WWOX: variants seen among roughly 807,000 people sequenced by gnomAD.
The protein encoded by WWOX is WW domain containing oxidoreductase.
Under a neutral mutation model 46.2 loss-of-function variants are expected in WWOX, and 69 were observed. The observed-to-expected ratio is 1.49, with a 90% confidence interval of 1.23 to 1.82. The LOEUF is 1.82. Among genes scored for constraint, WWOX ranks in the 40% most tolerant of loss-of-function variants. The probability of loss-of-function intolerance (pLI) is 0.00; values close to 1 mark genes in which losing one functional copy is unlikely to be tolerated. For synonymous variants in WWOX, 359 were observed against 202.6 expected, an observed-to-expected ratio of 1.77 and a Z score of -6.56; for missense variants, 919 against 542.6, an observed-to-expected ratio of 1.69 and a Z score of -6.89.
At chr16:78,106,777 G>A (rs1390774557) in intron 1 of WWOX, among the ~76,000 whole-genome samples, 1 of 152,104 alleles carries the variant, frequency 6.6e-6, no homozygotes, top group Non-Finnish European at 1.5e-5. Flanking sequence ...GTAGGAGTTT[G>A]TCCTTGCTAC....
chr16:78,143,455 C>G (rs541397698), intron 4 of WWOX, among the ~76,000 whole-genome samples: 1 of 152,114 alleles, frequency 6.6e-6, no homozygotes, highest in East Asian at 1.9e-4. Flanking sequence ...CCCCCCGAGG[C>G]CCACTTTTGT....
chr16:78,671,497 G>C (rs2047462485), intron 8 of WWOX, among the ~76,000 whole-genome samples: 1 of 152,128 alleles, frequency 6.6e-6, no homozygotes, highest in South Asian at 2.1e-4. Context: ...TAGGAAACCA[G>C]TATAGATAAC....
chr16:78,716,713 T>C (rs1177134398), intron 8 of WWOX, among the ~76,000 whole-genome samples: 1 of 152,006 alleles, frequency 6.6e-6, no homozygotes, highest in Non-Finnish European at 1.5e-5. Context: ...CAGAGAGATT[T>C]TCTTAGAGGT....
intron 8 of WWOX, among the ~76,000 whole-genome samples, chr16:78,528,724 GC>G (rs2041470457): frequency 6.6e-6 from 1 of 151,792 alleles, no homozygotes; most frequent in African/African-American, 2.4e-5. Flanking sequence ...TTTAAATTTG[GC>G]CGGTGAAAAT....
At chr16:78,272,413 A>G (rs985382121) in intron 5 of WWOX, among the ~76,000 whole-genome samples, 2 of 152,204 alleles carry the variant, frequency 1.3e-5, no homozygotes, top group African/African-American at 4.8e-5. Context: ...GAGGATTCCA[A>G]AAGAAAGTAA....
Position 78,248,878 on chromosome 16 carries a change from T to C in WWOX, c.516+84589T>C, listed in dbSNP as rs185028974. ...TGCCCCCCGGCCTTTTTTTTTTTTT[T>C]TTTTTTTGAGGCAGAGTCTTGCTCC... On this transcript the variant is annotated intron_variant, in intron 5 of 8. Transcript: ENST00000566780. Among the ~76,000 whole-genome samples, 1,132 of 149,340 alleles carry C rather than the reference T, an allele frequency of 7.6e-3. 19 individuals are homozygous for C. The highest frequency in any genetic ancestry group is 0.027 in the African/African-American group (1,081 of 40,524).
chr16:78,715,973 G>A (rs2048551674), intron 8 of WWOX, among the ~76,000 whole-genome samples: 1 of 151,980 alleles, frequency 6.6e-6, no homozygotes, highest in Non-Finnish European at 1.5e-5. Context: ...CACCACCAGA[G>A]GTATTACAGA....
At chr16:78,106,898 G>A (rs1442820230) in intron 1 of WWOX, among the ~76,000 whole-genome samples, 1 of 152,178 alleles carries the variant, frequency 6.6e-6, no homozygotes, top group African/African-American at 2.4e-5. Flanking sequence ...TGAGGAGACT[G>A]GCTGGACTCA....
rs551330246 is a variant in WWOX at position 78,902,124 on chromosome 16, C to G, written c.1057-309484C>G. Among the ~76,000 whole-genome samples the G allele has an allele frequency of 3.3e-5, 5 of 152,294 alleles. No individual in the cohort carries two copies. In the East Asian group the frequency reaches 9.7e-4, roughly 29 times the overall value. ...AGAGCTGGCAGACAGCATCTACATC[C>G]ACCTCTGCAGGAAGCAAGGGAAACA... On this transcript the variant is annotated intron_variant, in intron 8 of 8. Transcript: ENST00000566780.
rs2084999969 is a variant in WWOX, at chr16:78,499,390, A to T, written c.1056+66638A>T. Among the ~76,000 whole-genome samples the T allele has an allele frequency of 2.0e-5, 3 of 152,120 alleles. No individual in the cohort carries two copies. In the South Asian group the frequency reaches 6.2e-4, roughly 31 times the overall value. On this transcript the variant is annotated intron_variant, in intron 8 of 8. Coordinates refer to ENST00000566780, the MANE Select transcript of WWOX (RefSeq NM_016373.4). ...GGCTGTCCACCAGCCCCTTTGTGAT[A>T]GTCTCATAGTCTTATTTGTCTTTTG...
chr16:78,970,274 G>A (rs116550438), intron 8 of WWOX, among the ~76,000 whole-genome samples: 1 of 152,152 alleles, frequency 6.6e-6, no homozygotes, highest in African/African-American at 2.4e-5. Flanking sequence ...ATCCCTGCCC[G>A]AATCATTTTC....
chr16:78,442,244 A>T (rs1429952715), intron 8 of WWOX, among the ~76,000 whole-genome samples: 1 of 152,178 alleles, frequency 6.6e-6, no homozygotes, highest in East Asian at 1.9e-4. Context: ...CACATCGGTC[A>T]ACTTACATAG....
At chr16:78,640,226 GTTTTTTTTTTTTT>G (rs34129775) in intron 8 of WWOX, among the ~76,000 whole-genome samples, 23 of 65,374 alleles carry the variant, frequency 3.5e-4, no homozygotes, top group African/African-American at 1.2e-3. Context: ...TTGTTGTTGG[GTTTTTTTTTTTTT>G]TTTTTTTTTT....
At chr16:78,458,161 G>A (rs1189051236) in intron 8 of WWOX, among the ~76,000 whole-genome samples, 1 of 151,328 alleles carries the variant, frequency 6.6e-6, no homozygotes, top group Non-Finnish European at 1.5e-5. Context: ...GTGAAGGTGT[G>A]TTCCATGATT....
intron 8 of WWOX, among the ~76,000 whole-genome samples, chr16:79,089,834 G>T (rs191074930): frequency 1.3e-5 from 2 of 151,968 alleles, no homozygotes; most frequent in Admixed American, 1.3e-4. Context: ...TCGGAGTTCT[G>T]ATGTGTTCAT....
intron 5 of WWOX, among the ~76,000 whole-genome samples, chr16:78,208,350 A>G (rs1228720834): frequency 6.6e-6 from 1 of 152,202 alleles, no homozygotes; most frequent in Non-Finnish European, 1.5e-5. Context: ...TCTTGAATTT[A>G]TATGTTCTTG....
At chr16:78,900,847 GAAAAAA>G (rs71979088) in intron 8 of WWOX, among the ~76,000 whole-genome samples, 2 of 140,598 alleles carry the variant, frequency 1.4e-5, no homozygotes, top group Admixed American at 7.1e-5. Flanking sequence ...GCCTTTTTTT[GAAAAAA>G]AAAAAAAAGA....
intron 8 of WWOX, among the ~76,000 whole-genome samples, chr16:78,761,409 AC>A (rs1251594863): frequency 6.6e-6 from 1 of 151,978 alleles, no homozygotes. Context: ...AGTTTTGTTT[AC>A]CTGTTTAGTG....
chr16:79,047,321 T>C (rs988085431), intron 8 of WWOX, among the ~76,000 whole-genome samples: 7 of 152,208 alleles, frequency 4.6e-5, no homozygotes. Context: ...TTAGATTCCC[T>C]TGAGCCGCAA....
Sources: allele counts gnomAD v4.1 joint callset (sites outside exome capture counted in the v4.1 genomes callset), GRCh38; gene constraint gnomAD v4.1.1; transcripts MANE v1.5; gene names NCBI Gene and HGNC (gene_info 2026-07-23, HGNC 2026-07-21).